DCDC1: variants seen among roughly 807,000 people sequenced by gnomAD.
DCDC1 encodes the protein doublecortin domain containing 1, also known as doublecortin domain-containing protein 1.
Under a neutral mutation model 178.3 loss-of-function variants are expected in DCDC1, and 200 were observed. The ratio of observed to expected loss-of-function variants is 1.12; its 90% confidence interval spans 1.00 to 1.26. The LOEUF (loss-of-function observed/expected upper bound fraction) is 1.26, where lower values mean the gene tolerates loss of function less well. DCDC1 is among the 50% of genes most tolerant of loss of function. The pLI is 0.00. For missense variants in DCDC1, 1,983 were observed against 1,749.2 expected, an observed-to-expected ratio of 1.13 and a Z score of -2.38; for synonymous variants, 690 against 604.8, an observed-to-expected ratio of 1.14 and a Z score of -2.07.
At chr11:31,096,008 T>C (rs1958124972) in intron 15 of DCDC1, among the ~76,000 whole-genome samples, 2 of 152,226 alleles carry the variant, frequency 1.3e-5, no homozygotes, top group Non-Finnish European at 2.9e-5. Context: ...TAGATATTTG[T>C]TGAGTAGCAA....
intron 9 of DCDC1, among the ~76,000 whole-genome samples, chr11:31,223,042 T>C (rs1042002806): frequency 1.6e-4 from 24 of 152,162 alleles, no homozygotes; most frequent in African/African-American, 5.3e-4. Context: ...CATTAAAATA[T>C]TATACATGAT....
intron 22 of DCDC1, among the ~76,000 whole-genome samples, chr11:30,927,545 A>T (rs1946663071): frequency 6.6e-6 from 1 of 152,166 alleles, no homozygotes; most frequent in Admixed American, 6.6e-5. Context: ...GGCTTTGCTG[A>T]AGACTTCCAG....
At chr11:31,210,624 T>A (rs1972399479) in intron 9 of DCDC1, among the ~76,000 whole-genome samples, 1 of 147,626 alleles carries the variant, frequency 6.8e-6, no homozygotes, top group Admixed American at 6.9e-5. Flanking sequence ...GGCAGGAGAA[T>A]CACTTGAACC....
intron 20 of DCDC1, among the ~76,000 whole-genome samples, chr11:31,038,845 G>T (rs1049468167): frequency 6.7e-6 from 1 of 148,564 alleles, no homozygotes; most frequent in Non-Finnish European, 1.5e-5. Flanking sequence ...ATGTACCTAA[G>T]AAAAGATATC....
chr11:31,208,616 A>C (rs978332098), intron 9 of DCDC1, among the ~76,000 whole-genome samples: 1 of 152,112 alleles, frequency 6.6e-6, no homozygotes, highest in Non-Finnish European at 1.5e-5. Context: ...AAGAGTAAAA[A>C]AGAAACTCCT....
chr11:30,925,502 T>A, intron 22 of DCDC1, 94 bp from the exon 23 acceptor site: 2 of 1,068,516 alleles, frequency 1.9e-6, no homozygotes, highest in Non-Finnish European at 2.8e-6. Context: ...GAATCCATAA[T>A]GACAACTCTC....
intron 7 of DCDC1, among the ~76,000 whole-genome samples, chr11:31,273,418 A>G (rs1945731151): frequency 6.6e-6 from 1 of 152,150 alleles, no homozygotes; most frequent in Non-Finnish European, 1.5e-5. Flanking sequence ...AAGTTCCACA[A>G]ATCTCTAGGG....
intron 9 of DCDC1, among the ~76,000 whole-genome samples, chr11:31,177,506 GAGTA>G (rs1968208785): frequency 6.6e-6 from 1 of 152,082 alleles, no homozygotes; most frequent in Admixed American, 6.6e-5. Flanking sequence ...AGAACTGTAG[GAGTA>G]AGTCCTTATC....
chr11:31,192,953 T>C (rs1970290393), intron 9 of DCDC1, among the ~76,000 whole-genome samples: 1 of 152,090 alleles, frequency 6.6e-6, no homozygotes, highest in South Asian at 2.1e-4. Context: ...AAATTTGTTC[T>C]CTCTTCTGGA....
At chr11:31,276,883 G>A (rs958308389) in intron 7 of DCDC1, among the ~76,000 whole-genome samples, 1 of 152,072 alleles carries the variant, frequency 6.6e-6, no homozygotes, top group African/African-American at 2.4e-5. Flanking sequence ...ATGTGAATGA[G>A]AAGTAGATAA....
chr11:31,278,785 T>C (rs1946182213), intron 7 of DCDC1, among the ~76,000 whole-genome samples: 1 of 152,130 alleles, frequency 6.6e-6, no homozygotes, highest in African/African-American at 2.4e-5. Flanking sequence ...CATAAATACA[T>C]AAAATTTTTA....
chr11:30,944,503 C>A (rs1947872753), intron 21 of DCDC1, among the ~76,000 whole-genome samples: 2 of 152,080 alleles, frequency 1.3e-5, no homozygotes, highest in South Asian at 4.1e-4. Flanking sequence ...GCTTTCCAAC[C>A]AAAATATGAA....
intron 11 of DCDC1, among the ~76,000 whole-genome samples, chr11:31,120,515 A>G (rs2135883395): frequency 6.6e-6 from 1 of 152,258 alleles, no homozygotes; most frequent in East Asian, 1.9e-4. Context: ...TTCTCATTCT[A>G]AATAAATATT....
chr11:31,290,720 C>T lies in DCDC1; in HGVS notation c.887G>A (p.Arg296Gln), dbSNP rs370896971. The change falls in exon 7 of 39, where the codon CGA (arginine) becomes CAA (glutamine). Residue 296 changes from arginine to glutamine, a missense_variant. Coordinates refer to ENST00000684477, the MANE Select transcript of DCDC1 (RefSeq NM_001387274.1). ...CATGCCATTCTTAAAGAACAGAATT[C>T]GGACTGAGGTCCTCTCAGTAAGTTT... ...MKKLTERTSV[R>Q]ILFFKNGMGQ... The T allele has an allele frequency of 2.6e-5, 42 of 1,613,416 alleles. No individual in the cohort carries two copies. Among genetic ancestry groups the T allele is most frequent in the East Asian group, 6.7e-5 (3 of 44,840 alleles).
At position 30,865,345 on chromosome 11, in the gene DCDC1, G is replaced by C. The variant is rs553758117; in HGVS notation, c.*41-13C>G. The C allele has an allele frequency of 3.3e-5, 5 of 152,362 alleles. No homozygotes were observed. The East Asian group carries it at 9.6e-4, about 29-fold the overall frequency. The allele number at this position is 152,362 out of a possible 1,614,324, so 9.4% of individuals were successfully genotyped here. A position where few individuals can be genotyped will look rare whatever the true frequency, so the allele number is the denominator to read the frequency against. On this transcript the variant is annotated splice_polypyrimidine_tract_variant and intron_variant, in intron 38 of 38. Transcript: ENST00000684477. Reference sequence around the variant, plus strand: ...AAAGTTTTCTTTCCTGTAAGGTAGAGAGAGAAACAAATCTATATATATGTA... The same window carrying C: ...AAAGTTTTCTTTCCTGTAAGGTAGACAGAGAAACAAATCTATATATATGTA...
intron 9 of DCDC1, among the ~76,000 whole-genome samples, chr11:31,187,344 G>A (rs1969624929): frequency 6.6e-6 from 1 of 152,124 alleles, no homozygotes; most frequent in Non-Finnish European, 1.5e-5. Flanking sequence ...CCAAGGCCTA[G>A]CATAATACCT....
chr11:31,261,227 A>G (rs1386695706), intron 8 of DCDC1, among the ~76,000 whole-genome samples: 1 of 152,182 alleles, frequency 6.6e-6, no homozygotes, highest in Non-Finnish European at 1.5e-5. Context: ...TATCTTCTAA[A>G]GCAGCACTCT....
intron 20 of DCDC1, among the ~76,000 whole-genome samples, chr11:31,047,011 A>C (rs1268417448): frequency 6.6e-6 from 1 of 152,058 alleles, no homozygotes; most frequent in African/African-American, 2.4e-5. Context: ...TCTCTTCCAC[A>C]ATGTCTTCCA....
intron 18 of DCDC1, among the ~76,000 whole-genome samples, chr11:31,073,415 C>T (rs947932481): frequency 2.6e-5 from 4 of 152,264 alleles, no homozygotes; most frequent in Admixed American, 6.5e-5. Context: ...ACACTTAAAA[C>T]TTGATTCTGC....
Sources: allele counts gnomAD v4.1 joint callset (sites outside exome capture counted in the v4.1 genomes callset), GRCh38; gene constraint gnomAD v4.1.1; transcripts MANE v1.5; gene names NCBI Gene and HGNC (gene_info 2026-07-23, HGNC 2026-07-21).